The following SNX27 variants were observed in gnomAD, a reference collection of about 807,000 sequenced individuals.
SNX27 encodes sorting nexin-27.
Under a neutral mutation model 71.6 loss-of-function variants are expected in SNX27, and 22 were observed. The ratio of observed to expected loss-of-function variants is 0.31; its 90% confidence interval spans 0.22 to 0.44. The LOEUF (loss-of-function observed/expected upper bound fraction) is 0.44, where lower values mean the gene tolerates loss of function less well. Among genes scored for constraint, SNX27 ranks in the 20% least tolerant of loss-of-function variants. SNX27 has a pLI of 1.00. For synonymous variants in SNX27, 269 were observed against 277.2 expected, an observed-to-expected ratio of 0.97 and a Z score of 0.29; for missense variants, 531 against 698.6, an observed-to-expected ratio of 0.76 and a Z score of 2.70.
In SNX27 at chr1:151,668,647, G is replaced by C. The variant is rs1488967010; in HGVS notation, c.1149+12G>C. On this transcript the variant is annotated intron_variant, in intron 7 of 11. Coordinates refer to ENST00000458013, the MANE Select transcript of SNX27 (RefSeq NM_001330723.2). Reference sequence around the variant, plus strand: ...ACTTCTTTCATCAGGTAGGTGAATTGATCTTCTTGAAAGGCACAATTTCTT... The same window carrying C: ...ACTTCTTTCATCAGGTAGGTGAATTCATCTTCTTGAAAGGCACAATTTCTT... 2 of 1,606,516 alleles carry C rather than the reference G, an allele frequency of 1.2e-6. No individual in the cohort carries two copies.
At chr1:151,668,399 C>A in intron 6 of SNX27, 73 bp from the exon 7 acceptor site, 1 of 1,394,032 alleles carries the variant, frequency 7.2e-7, no homozygotes, top group Non-Finnish European at 9.8e-7. Flanking sequence ...CTTGATCTGC[C>A]TTACATAGTT....
chr1:151,688,565 G>A (rs1671293200), intron 8 of SNX27, among the ~76,000 whole-genome samples: 1 of 150,446 alleles, frequency 6.6e-6, no homozygotes. Flanking sequence ...CCGGGAGGCG[G>A]AGGTTGCAGT....
chr1:151,642,229 A>G (rs1315195819), intron 2 of SNX27, among the ~76,000 whole-genome samples: 2 of 151,862 alleles, frequency 1.3e-5, no homozygotes, highest in Non-Finnish European at 2.9e-5. Context: ...TCTACTAAAA[A>G]TACAAAAATT....
Sources: allele counts gnomAD v4.1 joint callset (sites outside exome capture counted in the v4.1 genomes callset), GRCh38; gene constraint gnomAD v4.1.1; transcripts MANE v1.5; gene names NCBI Gene and HGNC (gene_info 2026-07-23, HGNC 2026-07-21).